RGS6: variants seen among roughly 807,000 people sequenced by gnomAD.
RGS6 encodes regulator of G protein signaling 6, also known as regulator of G-protein signaling 6.
RGS6 carries 30 observed loss-of-function variants against 78.5 expected under a neutral mutation model. That is an observed-to-expected ratio of 0.38 (90% CI 0.29 to 0.52). The LOEUF (loss-of-function observed/expected upper bound fraction) is 0.52, where lower values mean the gene tolerates loss of function less well. Ranked by LOEUF, RGS6 falls within the 20% of genes least tolerant of loss-of-function variation. The pLI is 0.85. For missense variants in RGS6, 495 were observed against 609.7 expected (o/e 0.81, Z 1.98); for synonymous variants, 206 against 206.0 (o/e 1.00, Z 0.00).
intron 1 of RGS6, among the ~76,000 whole-genome samples, chr14:71,940,363 G>T (rs1371076974): frequency 6.6e-6 from 1 of 152,162 alleles, no homozygotes; most frequent in Non-Finnish European, 1.5e-5. Flanking sequence ...AGGGTTCTGG[G>T]TCTGTAAACT....
intron 17 of RGS6, among the ~76,000 whole-genome samples, chr14:72,556,065 G>A (rs542899861): frequency 6.6e-6 from 1 of 152,240 alleles, no homozygotes; most frequent in African/African-American, 2.4e-5. Flanking sequence ...ATCCAGATAG[G>A]AGAACTGGCA....
intron 3 of RGS6, among the ~76,000 whole-genome samples, chr14:72,405,894 C>T (rs998499848): frequency 3.3e-5 from 5 of 152,284 alleles, no homozygotes; most frequent in African/African-American, 7.2e-5. Flanking sequence ...AAGATTGGAA[C>T]GCTGTATTGG....
chr14:72,422,911 G>A lies in RGS6; in HGVS notation c.185-31617G>A, dbSNP rs531402470. Among the ~76,000 whole-genome samples, 16 of 152,336 alleles carry A rather than the reference G, an allele frequency of 1.1e-4. No homozygotes were observed. The East Asian group carries it at 1.2e-3, about 11-fold the overall frequency. On this transcript the variant is annotated intron_variant, in intron 3 of 17. Coordinates refer to ENST00000553525, the MANE Select transcript of RGS6 (RefSeq NM_001204424.2). Reference sequence around the variant, plus strand: ...GCAGAGCCAGGAGAGGGCATGGAGCGGACTCGCTTGCAGAGCCTGTAGAAA... The same window carrying A: ...GCAGAGCCAGGAGAGGGCATGGAGCAGACTCGCTTGCAGAGCCTGTAGAAA...
intron 2 of RGS6, among the ~76,000 whole-genome samples, chr14:71,984,016 G>C (rs531956563): frequency 1.3e-5 from 2 of 152,282 alleles, no homozygotes; most frequent in East Asian, 1.9e-4. Flanking sequence ...CAACTTTACT[G>C]TCCAACTGGG....
At chr14:72,028,858 C>A (rs2090364642) in intron 2 of RGS6, among the ~76,000 whole-genome samples, 1 of 152,186 alleles carries the variant, frequency 6.6e-6, no homozygotes, top group Non-Finnish European at 1.5e-5. Context: ...ATGACATTTT[C>A]TTGATGTCTT....
At chr14:72,575,925 C>T in the RGS6 span, among the ~76,000 whole-genome samples, 4 of 152,222 alleles carry the variant, frequency 2.6e-5, no homozygotes, top group African/African-American at 9.6e-5. Context: ...GCATCCCACC[C>T]GTCCTTCCTA....
At chr14:71,963,572 C>G (rs933551810) in intron 1 of RGS6, among the ~76,000 whole-genome samples, 1 of 152,176 alleles carries the variant, frequency 6.6e-6, no homozygotes, top group Non-Finnish European at 1.5e-5. Context: ...CTTACCTATT[C>G]TGGATATTTC....
At chr14:72,573,630 A>T in the RGS6 span, among the ~76,000 whole-genome samples, 8 of 152,194 alleles carry the variant, frequency 5.3e-5, no homozygotes, top group Non-Finnish European at 5.9e-5. Flanking sequence ...TCTCCTATTC[A>T]CTTCTTCTCC....
At chr14:72,391,322 G>GA (rs2089932030) in intron 3 of RGS6, among the ~76,000 whole-genome samples, 2 of 152,154 alleles carry the variant, frequency 1.3e-5, no homozygotes, top group African/African-American at 4.8e-5. Context: ...TGTCACGACT[G>GA]AAAAAAATCA....
chr14:72,519,560 C>T (rs950262243), intron 15 of RGS6, among the ~76,000 whole-genome samples: 1 of 152,184 alleles, frequency 6.6e-6, no homozygotes, highest in Non-Finnish European at 1.5e-5. Flanking sequence ...CTCAGAACTT[C>T]AAGATGGAAA....
chr14:72,292,868 C>A (rs988039402), intron 2 of RGS6, among the ~76,000 whole-genome samples: 1 of 152,226 alleles, frequency 6.6e-6, no homozygotes, highest in African/African-American at 2.4e-5. Flanking sequence ...ATGGATGACA[C>A]AGGGACCTTG....
At position 72,432,942 on chromosome 14, in the gene RGS6, G is replaced by A. The variant is rs2094716772; in HGVS notation, c.185-21586G>A. Among the ~76,000 whole-genome samples the A allele has an allele frequency of 4.6e-5, 7 of 152,292 alleles. No individual in the cohort carries two copies. In the South Asian group the frequency reaches 1.5e-3, roughly 32 times the overall value. On this transcript the variant is annotated intron_variant, in intron 3 of 17. Coordinates refer to ENST00000553525, the MANE Select transcript of RGS6 (RefSeq NM_001204424.2). ...AGAGAGTGTCACACACCATTCTAAT[G>A]TGGGGAGTAAGGATGATGAAGAATC...
chr14:72,134,171 C>T (rs2096389078), intron 2 of RGS6, among the ~76,000 whole-genome samples: 1 of 152,172 alleles, frequency 6.6e-6, no homozygotes, highest in South Asian at 2.1e-4. Flanking sequence ...GATTGGAAAA[C>T]CTATTTATTG....
intron 2 of RGS6, among the ~76,000 whole-genome samples, chr14:72,105,317 C>T (rs1328804318): frequency 6.6e-6 from 1 of 152,228 alleles, no homozygotes; most frequent in Non-Finnish European, 1.5e-5. Flanking sequence ...GATCACCACT[C>T]ACATTTTGCC....
rs987304759 is a variant in RGS6, at chr14:72,563,954, C to T, written c.*1487C>T. On this transcript the variant is annotated 3_prime_UTR_variant, in exon 18 of 18. Coordinates refer to ENST00000553525, the MANE Select transcript of RGS6 (RefSeq NM_001204424.2). ...AACAAAAAACATAGAAGCAATAAAG[C>T]GATCGCTGGTATTTCTTTTCTCATG... is the stretch of plus-strand genomic sequence containing the variant. The T allele has an allele frequency of 6.6e-6, 1 of 152,140 alleles. No homozygotes were observed. Among genetic ancestry groups the T allele is most frequent in the Non-Finnish European group, 1.5e-5 (1 of 68,014 alleles). The allele number at this position is 152,140 out of a possible 1,614,324, so 9.4% of individuals were successfully genotyped here. A position where few individuals can be genotyped will look rare whatever the true frequency, so the allele number is the denominator to read the frequency against.
chr14:72,572,726 A>G, the RGS6 span, among the ~76,000 whole-genome samples: 1 of 152,232 alleles, frequency 6.6e-6, no homozygotes, highest in African/African-American at 2.4e-5. Context: ...AATTTATTGT[A>G]GTGATGTGGA....
chr14:72,357,263 GAA>G (rs59962898), intron 3 of RGS6, among the ~76,000 whole-genome samples: 1 of 131,356 alleles, frequency 7.6e-6, no homozygotes, highest in Non-Finnish European at 1.6e-5. Flanking sequence ...CCCTGTCTCA[GAA>G]AAAAAAAAAA....
rs189233819 is a variant in RGS6, at chr14:72,444,390, C to T, written c.185-10138C>T. Among the ~76,000 whole-genome samples, 415 of 151,934 alleles carry T rather than the reference C, an allele frequency of 2.7e-3. 2 individuals carry two copies. The highest frequency in any genetic ancestry group is 9.7e-3 in the African/African-American group (400 of 41,358). On this transcript the variant is annotated intron_variant, in intron 3 of 17. Transcript: ENST00000553525. ...GGGAGGGAGGTGAGGGGGGATGGGGCTTGGGGGAGAACAGTGGCCAAGGGC... is the reference window on the plus strand; with the variant it reads ...GGGAGGGAGGTGAGGGGGGATGGGGTTTGGGGGAGAACAGTGGCCAAGGGC...
At chr14:71,952,100 C>T (rs987342441) in intron 1 of RGS6, among the ~76,000 whole-genome samples, 3 of 152,058 alleles carry the variant, frequency 2.0e-5, no homozygotes, top group African/African-American at 4.8e-5. Context: ...CTAATTATCA[C>T]GACTTGTATT....
Sources: gnomAD v4.1 joint callset for allele counts (sites outside exome capture counted in the v4.1 genomes callset) on GRCh38, gnomAD v4.1.1 for gene constraint, MANE v1.5 for transcripts, NCBI Gene and HGNC (gene_info 2026-07-23, HGNC 2026-07-21) for gene names.